The following MYO16 variants were observed in gnomAD, a reference collection of about 807,000 sequenced individuals.
The protein encoded by MYO16 is myosin XVI.
MYO16 carries 94 observed loss-of-function variants against 205.3 expected under a neutral mutation model. The observed-to-expected ratio is 0.46, with a 90% CI of 0.39 to 0.54. The LOEUF (loss-of-function observed/expected upper bound fraction) is 0.54. Among genes scored for constraint, MYO16 ranks in the 20% least tolerant of loss-of-function variants. The pLI is 0.00. For missense variants in MYO16, 2,315 were observed against 2,387.5 expected, an observed-to-expected ratio of 0.97 and a Z score of 0.63; for synonymous variants, 988 against 954.0, an observed-to-expected ratio of 1.04 and a Z score of -0.66.
chr13:108,540,352 A>G, the MYO16 span, among the ~76,000 whole-genome samples: 1 of 152,158 alleles, frequency 6.6e-6, no homozygotes, highest in South Asian at 2.1e-4. Flanking sequence ...GTAAAAGAAC[A>G]GTGGCTCTTG....
the MYO16 span, among the ~76,000 whole-genome samples, chr13:108,505,277 A>G: frequency 2.0e-5 from 3 of 152,182 alleles, no homozygotes; most frequent in Non-Finnish European, 4.4e-5. Context: ...CCCCACTAAA[A>G]GTGCACAAGA....
the MYO16 span, among the ~76,000 whole-genome samples, chr13:108,520,633 C>T: frequency 7.8e-6 from 1 of 128,662 alleles, no homozygotes; most frequent in African/African-American, 3.8e-5. Flanking sequence ...TACATTTTTA[C>T]AATTTATTAA....
At chr13:109,016,385 A>ATG (rs755655304) in intron 22 of MYO16, among the ~76,000 whole-genome samples, 1 of 152,162 alleles carries the variant, frequency 6.6e-6, no homozygotes, top group Non-Finnish European at 1.5e-5. Context: ...ACTTCCAATT[A>ATG]TGTGGTCAAT....
chr13:108,637,459 C>A (rs1224584259), intron 1 of MYO16, among the ~76,000 whole-genome samples: 1 of 152,164 alleles, frequency 6.6e-6, no homozygotes, highest in Non-Finnish European at 1.5e-5. Context: ...TAGATTAAGT[C>A]AATTTTAGTT....
chr13:108,767,067 C>G (rs2139667885), intron 4 of MYO16, among the ~76,000 whole-genome samples: 1 of 151,866 alleles, frequency 6.6e-6, no homozygotes, highest in Non-Finnish European at 1.5e-5. Flanking sequence ...TATTTTTGTT[C>G]TTGTTGTATC....
chr13:108,708,002 G>T (rs1028280847), intron 2 of MYO16, among the ~76,000 whole-genome samples: 1 of 152,080 alleles, frequency 6.6e-6, no homozygotes, highest in African/African-American at 2.4e-5. Context: ...CCTCCATCCG[G>T]TCACATTCCG....
chr13:109,072,685 A>G (rs1431266), intron 27 of MYO16, among the ~76,000 whole-genome samples: 72,938 of 151,990 alleles, frequency 0.48, 17,764 homozygotes, highest in Middle Eastern at 0.54. Context: ...CTCACTAGAC[A>G]TACCAGGGCA....
At chr13:108,774,251 G>A (rs1234517499) in intron 4 of MYO16, among the ~76,000 whole-genome samples, 1 of 152,110 alleles carries the variant, frequency 6.6e-6, no homozygotes, top group Non-Finnish European at 1.5e-5. Context: ...TACACCTCTT[G>A]GTTCATATGC....
intron 27 of MYO16, among the ~76,000 whole-genome samples, chr13:109,063,683 C>T (rs1887657327): frequency 6.6e-6 from 1 of 152,192 alleles, no homozygotes; most frequent in African/African-American, 2.4e-5. Flanking sequence ...CCCACCCCAA[C>T]TAAAACAGCC....
chr13:109,008,757 A>G (rs1885492605), intron 21 of MYO16, 140 bp from the exon 22 acceptor site: 17 of 553,552 alleles, frequency 3.1e-5, no homozygotes, highest in South Asian at 2.6e-5. Flanking sequence ...CTACTGTACT[A>G]TCTTGTGTAT....
At chr13:109,006,565 G>T (rs1885393789) in intron 21 of MYO16, among the ~76,000 whole-genome samples, 1 of 152,030 alleles carries the variant, frequency 6.6e-6, no homozygotes, top group African/African-American at 2.4e-5. Flanking sequence ...TTTAACAAAA[G>T]CTTTCGCATT....
At chr13:108,552,630 T>G in the MYO16 span, among the ~76,000 whole-genome samples, 189 of 152,304 alleles carry the variant, frequency 1.2e-3, 1 homozygote, top group African/African-American at 4.2e-3. Flanking sequence ...AAATACATTC[T>G]CAGATGAGTA....
chr13:108,953,728 A>C (rs1026686779), intron 16 of MYO16, among the ~76,000 whole-genome samples: 1 of 152,164 alleles, frequency 6.6e-6, no homozygotes, highest in African/African-American at 2.4e-5. Context: ...TAATCTCCAA[A>C]AAATAAACAT....
chr13:109,147,740 G>A (rs1176335842), intron 32 of MYO16, among the ~76,000 whole-genome samples: 1 of 152,090 alleles, frequency 6.6e-6, no homozygotes, highest in East Asian at 1.9e-4. Flanking sequence ...ATTTACTGAG[G>A]TGCTCTTCTG....
chr13:108,576,414 A>G, the MYO16 span, among the ~76,000 whole-genome samples: 8 of 152,180 alleles, frequency 5.3e-5, no homozygotes, highest in African/African-American at 1.4e-4. Context: ...CTGAGGAACA[A>G]CCAGCTGGTA....
At chr13:108,854,839 A>G (rs747116912) in intron 10 of MYO16, among the ~76,000 whole-genome samples, 19 of 152,326 alleles carry the variant, frequency 1.2e-4, no homozygotes, top group Non-Finnish European at 2.5e-4. Context: ...CATTCATGGC[A>G]TATTAAATTG....
In MYO16 at chr13:108,717,901, C is replaced by T. The variant is rs1222286955; in HGVS notation, c.363+5170C>T. Among the ~76,000 whole-genome samples, 5 of 152,212 alleles carry T rather than the reference C, an allele frequency of 3.3e-5. No individual in the cohort carries two copies. The South Asian group carries it at 1.0e-3, about 32-fold the overall frequency. ...TGACTTGAACATTTTAAATAAGAAA[C>T]ATGCGTGTTTCATATAATAAAACCA... On this transcript the variant is annotated intron_variant, in intron 3 of 34. Coordinates refer to ENST00000457511, the MANE Select transcript of MYO16 (RefSeq NM_001198950.3).
the MYO16 span, among the ~76,000 whole-genome samples, chr13:108,575,354 T>C: frequency 6.6e-6 from 1 of 152,178 alleles, no homozygotes; most frequent in Non-Finnish European, 1.5e-5. Flanking sequence ...ATCCTTTGCC[T>C]GCACACCTCT....
At chr13:108,897,868 AG>A in intron 14 of MYO16, 147 bp from the exon 15 acceptor site, 1 of 645,040 alleles carries the variant, frequency 1.6e-6, no homozygotes, top group Non-Finnish European at 2.7e-6. Context: ...TTGAGGAAAA[AG>A]GGGTCTTAAA....
Sources: allele counts gnomAD v4.1 joint callset (sites outside exome capture counted in the v4.1 genomes callset), GRCh38; gene constraint gnomAD v4.1.1; transcripts MANE v1.5; gene names NCBI Gene and HGNC (gene_info 2026-07-23, HGNC 2026-07-21).